The following WNT11 variants were observed in gnomAD, a reference collection of about 807,000 sequenced individuals.
WNT11 encodes protein Wnt-11.
In WNT11, 20 loss-of-function variants were observed where a neutral mutation model predicts 35.6. The observed-to-expected ratio is 0.56, with a 90% CI of 0.40 to 0.82. The LOEUF is 0.82. Ranked by LOEUF, WNT11 falls within the 40% of genes least tolerant of loss-of-function variation. The pLI, the probability that WNT11 is intolerant of heterozygous loss-of-function variation, is 0.00. For synonymous variants in WNT11, 200 were observed against 211.9 expected (o/e 0.94, Z 0.49); for missense variants, 459 against 504.4 (o/e 0.91, Z 0.86).
chr11:76,190,081 G>T (rs1467438638), intron 4 of WNT11, among the ~76,000 whole-genome samples: 2 of 152,034 alleles, frequency 1.3e-5, no homozygotes, highest in East Asian at 3.9e-4. Context: ...GGGAGGGGAG[G>T]GGAGAGGGGA....
At chr11:76,188,363 G>A (rs7936750) in intron 4 of WNT11, among the ~76,000 whole-genome samples, 143,752 of 152,370 alleles carry the variant, frequency 0.94, 68,083 homozygotes, top group Middle Eastern at 0.99. Context: ...TGGGGCATGG[G>A]AGCCAGCAGG....
At chr11:76,187,299 C>T in intron 4 of WNT11, 60 bp from the exon 5 acceptor site, 2 of 1,519,338 alleles carry the variant, frequency 1.3e-6, no homozygotes, top group Non-Finnish European at 8.8e-7. Context: ...ACCAACACCC[C>T]ATGACTCCCA....
At position 76,194,341 on chromosome 11, in the gene WNT11, T is replaced by C. The variant is rs1953235205; in HGVS notation, c.597+226A>G. On this transcript the variant is annotated intron_variant, in intron 3 of 4. Transcript: ENST00000322563. The surrounding 1 kb of genome is among the most constrained non-coding windows in gnomAD (Gnocchi z 5.4). ...ACTCCTAGTTCAGTGCTCCCTCTGC[T>C]TGGACAACCCAAACCCCAGTGGACG... Among the ~76,000 whole-genome samples the C allele has an allele frequency of 6.6e-6, 1 of 151,918 alleles. No individual in the cohort carries two copies. Among genetic ancestry groups the C allele is most frequent in the Admixed American group, 6.6e-5 (1 of 15,248 alleles).
chr11:76,194,750 G>T lies in WNT11; in HGVS notation c.414C>A (p.Cys138Ter). The change falls in exon 3 of 5, where the codon TGC (cysteine) becomes TGA (stop). Residue 138 changes from cysteine to a stop codon, truncating the protein, a stop_gained. Transcript: ENST00000322563. LOFTEE classifies it high-confidence loss of function. The surrounding 1 kb of genome is among the most constrained non-coding windows in gnomAD (Gnocchi z 5.4). Reference sequence around the variant, plus strand: ...GCTCACCTGGGACGGGGCCGCAGGAGCAGCCGGGCAGGTCGCCGGAGGTGC... The same window carrying T: ...GCTCACCTGGGACGGGGCCGCAGGATCAGCCGGGCAGGTCGCCGGAGGTGC... Reference protein sequence around the residue: ...RACTSGDLPGCSCGPVPGEPP... With the variant: ...RACTSGDLPG 6.4e-7 allele frequency: 1 copy of T among 1,552,406 alleles called. No individual in the cohort carries two copies. Among genetic ancestry groups the T allele is most frequent in the Non-Finnish European group, 8.7e-7 (1 of 1,148,768 alleles).
In WNT11 at chr11:76,191,765, A is replaced by G. The variant is rs1402393421; in HGVS notation, c.689T>C (p.Leu230Pro). The G allele has an allele frequency of 6.2e-7, 1 of 1,613,332 alleles. No homozygotes were observed. The highest frequency in any genetic ancestry group is 2.2e-5 in the East Asian group (1 of 44,876). ...IRTCWKGLQE[L>P]QDVAADLKTR... is the part of the protein sequence containing the mutation. ...CTTGAGGTCAGCAGCCACATCCTGC[A>G]GCTCCTGCAGCCCCTTCCAGCAGGT... Residue 230 changes from leucine (L) to proline (P), a missense_variant, in exon 4 of 5, where the codon CTG (leucine) becomes CCG (proline). Transcript: ENST00000322563.
chr11:76,194,047 G>A lies in WNT11; in HGVS notation c.597+520C>T, dbSNP rs1169990554. ...AACCTGATAATAATGAATGCCGGAGGAAACTGTTCTAGCAGCTTCGGTTGG... is the reference window on the plus strand; with the variant it reads ...AACCTGATAATAATGAATGCCGGAGAAAACTGTTCTAGCAGCTTCGGTTGG... On this transcript the variant is annotated intron_variant, in intron 3 of 4. Transcript: ENST00000322563. The surrounding 1 kb of genome is among the most constrained non-coding windows in gnomAD (Gnocchi z 5.4). Among the ~76,000 whole-genome samples the A allele has an allele frequency of 6.6e-6, 1 of 152,080 alleles. No individual in the cohort carries two copies. The highest frequency in any genetic ancestry group is 2.1e-4 in the South Asian group (1 of 4,826).
chr11:76,197,414 G>A (rs1053329276), intron 1 of WNT11, among the ~76,000 whole-genome samples: 1 of 152,176 alleles, frequency 6.6e-6, no homozygotes, highest in African/African-American at 2.4e-5. Context: ...CCCTCTTTGG[G>A]CCTCAGTGTT....
At chr11:76,199,342 G>A (rs900002217) in intron 1 of WNT11, among the ~76,000 whole-genome samples, 2 of 151,856 alleles carry the variant, frequency 1.3e-5, no homozygotes, top group Non-Finnish European at 2.9e-5. Flanking sequence ...AAAATTAGCC[G>A]GGTGTTGTGG....
chr11:76,199,183 T>C (rs1953336023), intron 1 of WNT11, among the ~76,000 whole-genome samples: 1 of 151,990 alleles, frequency 6.6e-6, no homozygotes, highest in Admixed American at 6.6e-5. Flanking sequence ...AAATAATTAC[T>C]ACTTCAAAAG....
At chr11:76,188,614 C>A (rs566699785) in intron 4 of WNT11, among the ~76,000 whole-genome samples, 36 of 152,332 alleles carry the variant, frequency 2.4e-4, no homozygotes, top group Non-Finnish European at 4.4e-5. Flanking sequence ...GCCGAGGAAT[C>A]CCAGAATGTC....
At chr11:76,209,684 G>C, upstream of WNT11, among the ~76,000 whole-genome samples, 1 of 151,910 alleles carries the variant, frequency 6.6e-6, no homozygotes. Flanking sequence ...CCCGGGAGAC[G>C]GGTTGTTTTG....
At position 76,191,735 on chromosome 11, in the gene WNT11, C is replaced by T. The variant is rs140169859; in HGVS notation, c.719G>A (p.Arg240Gln). 9.4e-5 allele frequency: 152 copies of T among 1,613,728 alleles called. No homozygotes were observed. Among genetic ancestry groups the T allele is most frequent in the Admixed American group, 1.7e-4 (10 of 60,030 alleles). Residue 240 changes from arginine to glutamine, a missense_variant, in exon 4 of 5, where the codon CGA (arginine) becomes CAA (glutamine). Coordinates refer to ENST00000322563, the MANE Select transcript of WNT11 (RefSeq NM_004626.3). ...LQDVAADLKT[R>Q]YLSATKVVHR... is the part of the protein sequence containing the mutation. ...CACTACCTTGGTGGCCGACAGGTAT[C>T]GGGTCTTGAGGTCAGCAGCCACATC...
At chr11:76,187,527 G>GA (rs1953116303) in intron 4 of WNT11, among the ~76,000 whole-genome samples, 1 of 150,236 alleles carries the variant, frequency 6.7e-6, no homozygotes, top group Non-Finnish European at 1.5e-5. Flanking sequence ...CAGTGGTTGT[G>GA]ATCATGGCTC....
chr11:76,206,472 A>G lies in WNT11; in HGVS notation c.-65T>C, dbSNP rs1350721184. Reference sequence around the variant, plus strand: ...AGCCGCGCCGAAGTCCTCCGCCTGCACGGCCGCCGCTGGTCCTGCACGCCG... The same window carrying G: ...AGCCGCGCCGAAGTCCTCCGCCTGCGCGGCCGCCGCTGGTCCTGCACGCCG... On this transcript the variant is annotated 5_prime_UTR_variant, in exon 1 of 5. Coordinates refer to ENST00000322563, the MANE Select transcript of WNT11 (RefSeq NM_004626.3). 2.3e-6 allele frequency: 3 copies of G among 1,324,090 alleles called. No individual in the cohort carries two copies. Among genetic ancestry groups the G allele is most frequent in the Non-Finnish European group, 1.9e-6 (2 of 1,038,730 alleles). The allele number at this position is 1,324,090 out of a possible 1,614,324, so 82.0% of individuals were successfully genotyped here. A position where few individuals can be genotyped will look rare whatever the true frequency, so the allele number is the denominator to read the frequency against.
Position 76,194,748 on chromosome 11 carries a change from G to A in WNT11, c.416C>T (p.Ser139Phe). 5 of 1,552,382 alleles carry A rather than the reference G, an allele frequency of 3.2e-6. No homozygotes were observed. Among genetic ancestry groups the A allele is most frequent in the East Asian group, 2.4e-5 (1 of 41,210 alleles). Residue 139 changes from serine (S) to phenylalanine (F), a missense_variant, in exon 3 of 5, where the codon TCC becomes TTC. Ser to Phe is a radical substitution (Grantham distance 155). Transcript: ENST00000322563. The surrounding 1 kb of genome is among the most constrained non-coding windows in gnomAD (Gnocchi z 5.4). The part of the protein sequence containing the change: ...ACTSGDLPGC[S>F]CGPVPGEPPG... ...TGGCTCACCTGGGACGGGGCCGCAGGAGCAGCCGGGCAGGTCGCCGGAGGT... is the reference window on the plus strand; with the variant it reads ...TGGCTCACCTGGGACGGGGCCGCAGAAGCAGCCGGGCAGGTCGCCGGAGGT...
rs190685300 is a variant in WNT11, at chr11:76,188,013, G to A, written c.891-774C>T. 7.2e-5 allele frequency among the ~76,000 whole-genome samples: 11 copies of A among 152,312 alleles called. No homozygotes were observed. The East Asian group carries it at 1.7e-3, about 24-fold the overall frequency. On this transcript the variant is annotated intron_variant, in intron 4 of 4. Coordinates refer to ENST00000322563, the MANE Select transcript of WNT11 (RefSeq NM_004626.3). Reference sequence around the variant, plus strand: ...CTCCCGAGTAGCTGGGATTACAGGCGTGTGCCACCACACACAGCCATATTT... The same window carrying A: ...CTCCCGAGTAGCTGGGATTACAGGCATGTGCCACCACACACAGCCATATTT...
In WNT11 at chr11:76,206,309, C is replaced by A. The variant is rs1214533966; in HGVS notation, c.83+16G>T. The A allele has an allele frequency of 9.8e-6, 15 of 1,529,424 alleles. No individual in the cohort carries two copies. The highest frequency in any genetic ancestry group is 1.3e-5 in the Non-Finnish European group (15 of 1,139,136). 94.7% of individuals were successfully genotyped at this position (1,529,424 alleles called of 1,614,324 possible). ...AGTCCCTGGCCTGTGCGCGTGGACG[C>A]GGGGTCCCTACTCACAGCCACTTGA... is the stretch of plus-strand genomic sequence containing the variant. On this transcript the variant is annotated intron_variant, in intron 1 of 4. Transcript: ENST00000322563.
At chr11:76,202,192 G>T (rs756412367) in intron 1 of WNT11, among the ~76,000 whole-genome samples, 7 of 152,194 alleles carry the variant, frequency 4.6e-5, no homozygotes, top group Non-Finnish European at 1.0e-4. Flanking sequence ...AATGTAGCCT[G>T]GCAGCTGCCC....
chr11:76,204,746 C>T (rs959318494), intron 1 of WNT11, among the ~76,000 whole-genome samples: 1 of 151,990 alleles, frequency 6.6e-6, no homozygotes, highest in Non-Finnish European at 1.5e-5. Flanking sequence ...GTCCATCCCA[C>T]CACAGGCCAG....
Sources: gnomAD v4.1 joint callset for allele counts (sites outside exome capture counted in the v4.1 genomes callset) on GRCh38, gnomAD v4.1.1 for gene constraint, Gnocchi (gnomAD v3.1) non-coding constraint, MANE v1.5 for transcripts, NCBI Gene and HGNC (gene_info 2026-07-23, HGNC 2026-07-21) for gene names.